KIF20B: variants seen among roughly 807,000 people sequenced by gnomAD.
KIF20B encodes the protein kinesin-like protein KIF20B.
KIF20B carries 188 observed loss-of-function variants against 232.5 expected under a neutral mutation model. The observed-to-expected ratio is 0.81, with a 90% CI of 0.72 to 0.91. The LOEUF (loss-of-function observed/expected upper bound fraction) is 0.91, where lower values mean the gene tolerates loss of function less well. KIF20B is among the 40% of genes least tolerant of loss of function. The probability of loss-of-function intolerance (pLI) is 0.00; values close to 1 mark genes in which losing one functional copy is unlikely to be tolerated. For missense variants in KIF20B, 2,154 were observed against 2,055.9 expected (o/e 1.05, Z -0.92); for synonymous variants, 712 against 683.0 (o/e 1.04, Z -0.66).
chr10:89,728,945 G>GTGTA (rs878888487), intron 17 of KIF20B, among the ~76,000 whole-genome samples, 183 bp from the exon 18 acceptor site: 225 of 75,520 alleles, frequency 3.0e-3, no homozygotes, highest in African/African-American at 0.014. Context: ...GTGTGTGTGT[G>GTGTA]TGTATGTAAT....
intron 26 of KIF20B, among the ~76,000 whole-genome samples, chr10:89,755,461 CCCCTCCCCT>C (rs1168333983): frequency 8.6e-6 from 1 of 116,166 alleles, no homozygotes; most frequent in African/African-American, 3.2e-5. Flanking sequence ...TTCCTTCCCT[CCCCTCCCCT>C]CCCTCCCCTT....
rs1841713417 is a variant in KIF20B, at chr10:89,738,337, C to T, written c.3496C>T (p.Leu1166Phe). The T allele has an allele frequency of 6.2e-7, 1 of 1,610,892 alleles. No individual in the cohort carries two copies. The highest frequency in any genetic ancestry group is 1.7e-5 in the Admixed American group (1 of 59,524). ...VTCYKAKIKE[L>F]ETILETQKVE... ...TTGCTATAAGGCAAAAATAAAGGAA[C>T]TTGAAACAATTTTAGAGACTCAGAA... Residue 1166 changes from leucine to phenylalanine, a missense_variant, in exon 20 of 33, where the codon CTT becomes TTT. By Grantham distance (22) the Leu-to-Phe change is conservative (BLOSUM62 0). Coordinates refer to ENST00000371728, the MANE Select transcript of KIF20B (RefSeq NM_001284259.2).
In KIF20B at chr10:89,768,739, T is replaced by TTGC; in HGVS notation, c.5094_5096dup (p.Ala1699dup). 1 of 1,582,796 alleles carries TTGC rather than the reference T, an allele frequency of 6.3e-7. No individual in the cohort carries two copies. Among genetic ancestry groups the TTGC allele is most frequent in the South Asian group, 1.2e-5 (1 of 85,214 alleles). Reference sequence around the variant, plus strand: ...AACAAAAAATGTTTTGTTTATTAGGTTGCCATACGTCCATCATCTAAGAAA... The same window carrying TTGC: ...AACAAAAAATGTTTTGTTTATTAGGTTGCTGCCATACGTCCATCATCTAAGAAA... On this transcript the variant is annotated inframe_insertion and splice_region_variant, in exon 31 of 33. Transcript: ENST00000371728.
rs925813616 is a variant in KIF20B, at chr10:89,772,826, C to T, written c.5380C>T (p.Gln1794Ter). 1.2e-6 allele frequency: 2 copies of T among 1,603,744 alleles called. No homozygotes were observed. ...TTCATCTCCTATTGATATATCAGGC[C>T]AAGTGGTAAGCTAGTATTTCTGTTT... ...EISSPIDISG[Q>*]VILMDQKMKE... is the part of the protein sequence containing the mutation. Residue 1794 changes from glutamine to a stop codon, truncating the protein, a stop_gained, in exon 32 of 33, where the codon CAA (glutamine) becomes TAA (stop). Coordinates refer to ENST00000371728, the MANE Select transcript of KIF20B (RefSeq NM_001284259.2). LOFTEE classifies it high-confidence loss of function.
intron 13 of KIF20B, among the ~76,000 whole-genome samples, chr10:89,722,436 A>G (rs1564661292): frequency 6.6e-6 from 1 of 152,136 alleles, no homozygotes. Context: ...TTGGGAGGCC[A>G]AGGTGGGTGG....
chr10:89,757,331 G>C (rs1239260455), intron 26 of KIF20B, among the ~76,000 whole-genome samples: 1 of 151,608 alleles, frequency 6.6e-6, no homozygotes, highest in East Asian at 1.9e-4. Flanking sequence ...TTCTCTGTTG[G>C]ATTATCTAGC....
In KIF20B at chr10:89,717,640, T is replaced by A. The variant is rs374218650; in HGVS notation, c.1189T>A (p.Leu397Ile). 2.4e-5 allele frequency: 38 copies of A among 1,611,212 alleles called. No homozygotes were observed. In the South Asian group the frequency reaches 3.9e-4, roughly 16 times the overall value. The change falls in exon 11 of 33, where the codon TTA (leucine) becomes ATA (isoleucine). Residue 397 changes from leucine (L) to isoleucine (I), a missense_variant. Coordinates refer to ENST00000371728, the MANE Select transcript of KIF20B (RefSeq NM_001284259.2). ...TMKTQNEGER[L>I]RETGNINTSL... ...GAAGACACAGAATGAAGGTGAAAGG[T>A]TAAGAGAGACTGGGAATATCAACAC...
chr10:89,709,099 A>G (rs1842785654), intron 2 of KIF20B, 68 bp from the exon 3 acceptor site: 5 of 1,062,600 alleles, frequency 4.7e-6, no homozygotes, highest in Non-Finnish European at 7.2e-6. Flanking sequence ...TAGCCATGTT[A>G]AGGAAAAATG....
Position 89,711,241 on chromosome 10 carries a change from T to C in KIF20B, c.675+96T>C, listed in dbSNP as rs147265188. ...CCATATATTGGAATCTGGTTTGTGG[T>C]GGTAGTGTTTTTTGTTATTATTTAT... On this transcript the variant is annotated intron_variant, in intron 6 of 32. Transcript: ENST00000371728. 1,020 of 723,278 alleles carry C rather than the reference T, an allele frequency of 1.4e-3. 4 individuals are homozygous for C. In the African/African-American group the frequency reaches 0.017, roughly 12 times the overall value. 44.8% of individuals were successfully genotyped at this position (723,278 alleles called of 1,614,324 possible).
chr10:89,767,971 G>C (rs189360814), intron 29 of KIF20B, among the ~76,000 whole-genome samples: 1 of 152,032 alleles, frequency 6.6e-6, no homozygotes, highest in Admixed American at 6.6e-5. Context: ...TTCAGTCAGG[G>C]TTTCTCAACT....
intron 16 of KIF20B, among the ~76,000 whole-genome samples, chr10:89,726,969 T>C (rs945435207): frequency 2.6e-5 from 4 of 151,398 alleles, no homozygotes; most frequent in South Asian, 2.1e-4. Context: ...CCACAGCGGC[T>C]GCATTTTTTT....
chr10:89,717,362 C>G (rs1842955178), intron 9 of KIF20B, 62 bp from the exon 10 acceptor site: 3 of 1,001,590 alleles, frequency 3.0e-6, no homozygotes, highest in Non-Finnish European at 4.5e-6. Flanking sequence ...GAATACTTGT[C>G]TCTCCTATTT....
chr10:89,723,087 C>T (rs904566531), intron 13 of KIF20B, among the ~76,000 whole-genome samples: 31 of 152,092 alleles, frequency 2.0e-4, no homozygotes, highest in Non-Finnish European at 3.4e-4. Flanking sequence ...GATCAGCATT[C>T]ATACAACCAG....
At chr10:89,771,663 G>A (rs1174319325) in intron 31 of KIF20B, among the ~76,000 whole-genome samples, 4 of 151,984 alleles carry the variant, frequency 2.6e-5, no homozygotes, top group African/African-American at 9.7e-5. Flanking sequence ...ACAGGAGGGG[G>A]AACCTTGAAG....
intron 21 of KIF20B, among the ~76,000 whole-genome samples, chr10:89,742,985 G>T (rs1345484384): frequency 6.6e-6 from 1 of 152,152 alleles, no homozygotes; most frequent in African/African-American, 2.4e-5. Flanking sequence ...ACAGGCATGA[G>T]CCACCATGCC....
chr10:89,747,579 C>A (rs1387906716), intron 23 of KIF20B, among the ~76,000 whole-genome samples: 1 of 151,576 alleles, frequency 6.6e-6, no homozygotes, highest in African/African-American at 2.4e-5. Flanking sequence ...AGTTCATGTC[C>A]TTTGTAGGGA....
At chr10:89,759,997 A>G (rs1842204775) in intron 27 of KIF20B, among the ~76,000 whole-genome samples, 1 of 152,156 alleles carries the variant, frequency 6.6e-6, no homozygotes, top group South Asian at 2.1e-4. Flanking sequence ...AATAGGAGGA[A>G]GAATGTGCTG....
intron 26 of KIF20B, among the ~76,000 whole-genome samples, chr10:89,756,099 G>T (rs1019258707): frequency 6.6e-6 from 1 of 152,106 alleles, no homozygotes; most frequent in African/African-American, 2.4e-5. Flanking sequence ...TCAAGCCCTT[G>T]GTTGAAGTGT....
intron 23 of KIF20B, among the ~76,000 whole-genome samples, chr10:89,748,199 G>A (rs565971560): frequency 2.0e-5 from 3 of 152,208 alleles, no homozygotes; most frequent in African/African-American, 2.4e-5. Context: ...TAGTAGAGAC[G>A]GGGTTTTGCC....
Sources: allele counts gnomAD v4.1 joint callset (sites outside exome capture counted in the v4.1 genomes callset), GRCh38; gene constraint gnomAD v4.1.1; transcripts MANE v1.5; gene names NCBI Gene and HGNC (gene_info 2026-07-23, HGNC 2026-07-21).